The following BRI3 variants were observed in gnomAD, a reference collection of about 807,000 sequenced individuals.
BRI3 encodes brain protein I3, also known as membrane protein BRI3.
In BRI3, 6 loss-of-function variants were observed where a neutral mutation model predicts 12.8. That is an observed-to-expected ratio of 0.47 (90% CI 0.26 to 0.93). The LOEUF (loss-of-function observed/expected upper bound fraction) is 0.93, where lower values mean the gene tolerates loss of function less well. Among genes scored for constraint, BRI3 ranks in the 40% least tolerant of loss-of-function variants. The probability of loss-of-function intolerance (pLI) is 0.15; values close to 1 mark genes in which losing one functional copy is unlikely to be tolerated. For synonymous variants in BRI3, 91 were observed against 76.1 expected (o/e 1.20, Z -1.02); for missense variants, 134 against 171.1 (o/e 0.78, Z 1.21).
At chr7:98,301,485 A>ATATATATATT (rs1366200355) in intron 1 of BRI3, among the ~76,000 whole-genome samples, 6 of 148,940 alleles carry the variant, frequency 4.0e-5, no homozygotes, top group African/African-American at 1.2e-4. Flanking sequence ...GTATATATAT[A>ATATATATATT]TATATATATT....
chr7:98,305,055 T>TTG (rs1554410675), upstream of BRI3, among the ~76,000 whole-genome samples: 8 of 139,730 alleles, frequency 5.7e-5, no homozygotes, highest in African/African-American at 1.4e-4. Context: ...TTGTTTTTTT[T>TTG]TTTTTTTTTT....
intron 2 of BRI3, 122 bp from the exon 3 acceptor site, chr7:98,290,989 G>T: frequency 8.5e-7 from 1 of 1,172,106 alleles, no homozygotes; most frequent in Non-Finnish European, 1.2e-6. Flanking sequence ...TCTGTCACTC[G>T]CCAGAGGTCC....
At chr7:98,300,285 T>C (rs531389332) in intron 1 of BRI3, among the ~76,000 whole-genome samples, 1 of 152,258 alleles carries the variant, frequency 6.6e-6, no homozygotes, top group South Asian at 2.1e-4. Flanking sequence ...GCTCCCGCCC[T>C]TGGAGCAGCA....
exon 2 of BRI3, chr7:98,310,383 C>T (rs1800822284): frequency 6.6e-7 from 1 of 1,519,058 alleles, no homozygotes. Context: ...ATATTTATTT[C>T]ACAGCTTATC....
At chr7:98,291,907 C>T (rs188160702), downstream of BRI3, 3 of 153,080 alleles carry the variant, frequency 2.0e-5, no homozygotes, top group Admixed American at 2.0e-4. Context: ...CCCTTAGCGC[C>T]AGATGGGGCT....
At chr7:98,290,084 C>G (rs1223373570) in intron 2 of BRI3, among the ~76,000 whole-genome samples, 1 of 152,078 alleles carries the variant, frequency 6.6e-6, no homozygotes, top group Non-Finnish European at 1.5e-5. Context: ...CGAATAAAAG[C>G]CCAAACCTGA....
chr7:98,282,506 C>T, intron 2 of BRI3, 53 bp downstream of exon 2: 2 of 1,461,748 alleles, frequency 1.4e-6, no homozygotes, highest in Middle Eastern at 1.7e-4. Flanking sequence ...AGGACCCCCG[C>T]CCTAACCCCC....
chr7:98,294,735 G>A (rs1213209804), downstream of BRI3, among the ~76,000 whole-genome samples: 1 of 152,196 alleles, frequency 6.6e-6, no homozygotes, highest in East Asian at 1.9e-4. Flanking sequence ...CAAAGAAACA[G>A]GAAATAAAAA....
At chr7:98,307,630 C>T (rs1800706702) in exon 2 of BRI3, 1 of 1,597,564 alleles carries the variant, frequency 6.3e-7, no homozygotes. Flanking sequence ...TGCAGCTTGG[C>T]TGCTCTGGAA....
chr7:98,283,874 C>T (rs1478656884), intron 2 of BRI3, among the ~76,000 whole-genome samples: 3 of 152,196 alleles, frequency 2.0e-5, no homozygotes, highest in African/African-American at 7.2e-5. Context: ...CCAGCGGCAG[C>T]GAGGGATGGG....
At chr7:98,299,182 A>T (rs951747425) in intron 1 of BRI3, among the ~76,000 whole-genome samples, 6 of 150,626 alleles carry the variant, frequency 4.0e-5, no homozygotes, top group Admixed American at 4.0e-4. Context: ...TGCCCAGCTA[A>T]TTTTTTTTGT....
the BRI3 span, among the ~76,000 whole-genome samples, chr7:98,317,025 C>A: frequency 6.6e-6 from 1 of 152,034 alleles, no homozygotes; most frequent in East Asian, 1.9e-4. Context: ...ATCACCCCAG[C>A]TAGTTTTTGT....
At chr7:98,305,299 G>A (rs1025011919), upstream of BRI3, among the ~76,000 whole-genome samples, 1 of 150,042 alleles carries the variant, frequency 6.7e-6, no homozygotes, top group Non-Finnish European at 1.5e-5. Context: ...GCAAAAGCTG[G>A]AGTGAGCAAT....
At chr7:98,290,968 G>A in intron 2 of BRI3, 143 bp from the exon 3 acceptor site, 2 of 727,406 alleles carry the variant, frequency 2.7e-6, no homozygotes, top group Non-Finnish European at 2.1e-6. Flanking sequence ...TGGTGGGGTG[G>A]GGGGCTGTTT....
chr7:98,308,128 C>G (rs1286800090), exon 2 of BRI3: 3 of 656,026 alleles, frequency 4.6e-6, no homozygotes, highest in African/African-American at 1.8e-5. Context: ...AGAAGAGGAT[C>G]CCTGCGGCTG....
chr7:98,306,627 G>A (rs1479639817), exon 1 of BRI3: 9 of 1,481,228 alleles, frequency 6.1e-6, no homozygotes, highest in Middle Eastern at 1.8e-4. Flanking sequence ...CTCCAGAAAC[G>A]CCCATGTGTG....
At chr7:98,296,141 G>T (rs1800182363), downstream of BRI3, among the ~76,000 whole-genome samples, 1 of 152,200 alleles carries the variant, frequency 6.6e-6, no homozygotes, top group Admixed American at 6.5e-5. Flanking sequence ...TCCCTACGGG[G>T]CCACCCCAGA....
intron 2 of BRI3, among the ~76,000 whole-genome samples, chr7:98,289,201 A>G (rs989708761): frequency 3.3e-5 from 5 of 152,104 alleles, no homozygotes; most frequent in Non-Finnish European, 7.4e-5. Context: ...CAGGTCATCC[A>G]CCCACCTCGG....
intron 2 of BRI3, among the ~76,000 whole-genome samples, chr7:98,288,022 C>T (rs568879356): frequency 6.6e-6 from 1 of 152,278 alleles, no homozygotes; most frequent in South Asian, 2.1e-4. Context: ...CTGAGGGGTG[C>T]CCGGTGACAC....
Sources: allele counts gnomAD v4.1 joint callset (sites outside exome capture counted in the v4.1 genomes callset), GRCh38; gene constraint gnomAD v4.1.1; transcripts MANE v1.5; gene names NCBI Gene and HGNC (gene_info 2026-07-23, HGNC 2026-07-21).